Variants in AFG1L observed in about 807,000 individuals in gnomAD.
AFG1L encodes AFG1 like ATPase.
A neutral mutation model predicts 62.2 loss-of-function variants in AFG1L; 53 were observed. That is an observed-to-expected ratio of 0.85 (90% CI 0.68 to 1.07). AFG1L has a LOEUF of 1.07. Ranked by LOEUF, AFG1L falls within the 50% of genes least tolerant of loss-of-function variation. AFG1L has a pLI of 0.00. For synonymous variants in AFG1L, 228 were observed against 210.3 expected (o/e 1.08, Z -0.73); for missense variants, 555 against 590.5 (o/e 0.94, Z 0.62).
At chr6:108,311,163 A>G (rs1407833135) in intron 1 of AFG1L, among the ~76,000 whole-genome samples, 1 of 152,162 alleles carries the variant, frequency 6.6e-6, no homozygotes, top group African/African-American at 2.4e-5. Context: ...CCAGTAGTTC[A>G]TCTCTTACCT....
intron 1 of AFG1L, among the ~76,000 whole-genome samples, chr6:108,323,616 C>T (rs1487468799): frequency 6.6e-6 from 1 of 152,196 alleles, no homozygotes; most frequent in Non-Finnish European, 1.5e-5. Context: ...CTGCCTTGGT[C>T]TCCCAAAGTG....
chr6:108,361,758 C>T (rs1779538625), intron 5 of AFG1L, among the ~76,000 whole-genome samples: 1 of 152,150 alleles, frequency 6.6e-6, no homozygotes. Flanking sequence ...TATCTTTGCT[C>T]AATTACCTCC....
At chr6:108,298,260 AT>A (rs779200181) in intron 1 of AFG1L, among the ~76,000 whole-genome samples, 2,400 of 121,472 alleles carry the variant, frequency 0.02, 23 homozygotes, top group Middle Eastern at 0.082. Context: ...GAGGGGAAGA[AT>A]TTTTTTTTTT....
intron 1 of AFG1L, among the ~76,000 whole-genome samples, chr6:108,311,154 C>T (rs1777391462): frequency 6.6e-6 from 1 of 152,186 alleles, no homozygotes; most frequent in South Asian, 2.1e-4. Flanking sequence ...TGTACTCCTC[C>T]AGTAGTTCAT....
At chr6:108,402,943 A>G (rs1213216651) in intron 7 of AFG1L, among the ~76,000 whole-genome samples, 1 of 152,138 alleles carries the variant, frequency 6.6e-6, no homozygotes, top group Non-Finnish European at 1.5e-5. Context: ...TAGAGTTTAA[A>G]ATAGTCTTCA....
At chr6:108,399,298 C>G (rs1233547188) in intron 6 of AFG1L, among the ~76,000 whole-genome samples, 1 of 149,808 alleles carries the variant, frequency 6.7e-6, no homozygotes. Flanking sequence ...AGCGATTTCC[C>G]TGCCTCAGCC....
intron 6 of AFG1L, among the ~76,000 whole-genome samples, chr6:108,386,081 C>T (rs919596150): frequency 1.3e-5 from 2 of 152,100 alleles, no homozygotes; most frequent in Non-Finnish European, 2.9e-5. Context: ...CCACTGCACT[C>T]TAGCCTGGGC....
intron 8 of AFG1L, among the ~76,000 whole-genome samples, chr6:108,465,976 A>C (rs2114789184): frequency 6.6e-6 from 1 of 152,244 alleles, no homozygotes; most frequent in African/African-American, 2.4e-5. Flanking sequence ...CAGCCTCCCT[A>C]GTAGCTGAGA....
In AFG1L at chr6:108,323,782, A is replaced by C. The variant is rs1174803965; in HGVS notation, c.140-43A>C. On this transcript the variant is annotated intron_variant, in intron 1 of 12. Coordinates refer to ENST00000368977, the MANE Select transcript of AFG1L (RefSeq NM_145315.5). Reference sequence around the variant, plus strand: ...TAAGAAATGTGTAGAGCACTGTGAAAATGTATTTAAGAAAGTCTAAAATTT... The same window carrying C: ...TAAGAAATGTGTAGAGCACTGTGAACATGTATTTAAGAAAGTCTAAAATTT... The C allele has an allele frequency of 2.8e-6, 4 of 1,437,354 alleles. No homozygotes were observed. The Admixed American group carries it at 6.9e-5, about 25-fold the overall frequency. 89.0% of individuals were successfully genotyped at this position (1,437,354 alleles called of 1,614,324 possible).
At chr6:108,369,903 C>A (rs947359594) in intron 6 of AFG1L, among the ~76,000 whole-genome samples, 3 of 152,040 alleles carry the variant, frequency 2.0e-5, no homozygotes, top group African/African-American at 7.2e-5. Context: ...AGCTACTGCA[C>A]CCAGCCCCAG....
At chr6:108,467,341 C>T (rs78362392) in intron 8 of AFG1L, among the ~76,000 whole-genome samples, 3,047 of 151,600 alleles carry the variant, frequency 0.02, 93 homozygotes, top group African/African-American at 0.069. Flanking sequence ...TCCTGCTTTC[C>T]GGGTTCAAAT....
intron 5 of AFG1L, 88 bp downstream of exon 5, chr6:108,356,908 T>C: frequency 8.6e-7 from 1 of 1,164,290 alleles, no homozygotes; most frequent in South Asian, 1.6e-5. Context: ...ATCATTGGTT[T>C]ATAAGGTGAT....
intron 4 of AFG1L, 64 bp downstream of exon 4, chr6:108,355,819 A>G: frequency 9.3e-7 from 1 of 1,076,600 alleles, no homozygotes. Flanking sequence ...GGTTTTCTTC[A>G]TTGAATGAAC....
At chr6:108,517,197 C>T (rs1027050377) in intron 11 of AFG1L, among the ~76,000 whole-genome samples, 2 of 152,188 alleles carry the variant, frequency 1.3e-5, no homozygotes, top group African/African-American at 4.8e-5. Flanking sequence ...ATTGCCAAGA[C>T]AATCCTAAGC....
chr6:108,509,420 C>A (rs962002733), intron 10 of AFG1L, among the ~76,000 whole-genome samples: 3 of 152,196 alleles, frequency 2.0e-5, no homozygotes, highest in African/African-American at 7.2e-5. Flanking sequence ...AAAATAATTT[C>A]TGATGATTTT....
At chr6:108,367,248 G>C (rs897663228) in intron 6 of AFG1L, among the ~76,000 whole-genome samples, 1 of 152,180 alleles carries the variant, frequency 6.6e-6, no homozygotes, top group Non-Finnish European at 1.5e-5. Flanking sequence ...CTATAACAGT[G>C]TCTTACACAT....
In AFG1L at chr6:108,385,286, A is replaced by G. The variant is rs185530348; in HGVS notation, c.749-16710A>G. Among the ~76,000 whole-genome samples, 576 of 152,370 alleles carry G rather than the reference A, an allele frequency of 3.8e-3. 7 individuals carry two copies. The highest frequency in any genetic ancestry group is 0.013 in the African/African-American group (553 of 41,582). Reference sequence around the variant, plus strand: ...GCACTGTGACACATTTGTGATGGCCATGATGCCCACGCTGAAGGTTGTGGG... The same window carrying G: ...GCACTGTGACACATTTGTGATGGCCGTGATGCCCACGCTGAAGGTTGTGGG... On this transcript the variant is annotated intron_variant, in intron 6 of 12. Coordinates refer to ENST00000368977, the MANE Select transcript of AFG1L (RefSeq NM_145315.5).
rs536181047 is a variant in AFG1L, at chr6:108,496,607, G to A, written c.1063-13605G>A. Among the ~76,000 whole-genome samples, 4 of 152,118 alleles carry A rather than the reference G, an allele frequency of 2.6e-5. No homozygotes were observed. The South Asian group carries it at 6.2e-4, about 24-fold the overall frequency. ...GGGGATGAAATAGCTGAAAAATAAC[G>A]CACAGTAAATATACTTTGGAATTAA... On this transcript the variant is annotated intron_variant, in intron 10 of 12. Transcript: ENST00000368977.
At chr6:108,507,591 A>G (rs1774467582) in intron 10 of AFG1L, among the ~76,000 whole-genome samples, 1 of 152,238 alleles carries the variant, frequency 6.6e-6, no homozygotes, top group South Asian at 2.1e-4. Flanking sequence ...TTGGGCATGT[A>G]GTTATTCTGA....
Sources: gnomAD v4.1 joint callset for allele counts (sites outside exome capture counted in the v4.1 genomes callset) on GRCh38, gnomAD v4.1.1 for gene constraint, MANE v1.5 for transcripts, NCBI Gene and HGNC (gene_info 2026-07-23, HGNC 2026-07-21) for gene names.